CEP78: variants seen among roughly 807,000 people sequenced by gnomAD.
CEP78 encodes the protein centrosomal protein 78, also known as centrosomal protein of 78 kDa.
In CEP78, 76 loss-of-function variants were observed where a neutral mutation model predicts 81.2. That is an observed-to-expected ratio of 0.94 (90% CI 0.78 to 1.13). CEP78 has a LOEUF of 1.13. Ranked by LOEUF, CEP78 falls within the 50% of genes most tolerant of loss-of-function variation. CEP78 has a pLI of 0.00. For missense variants in CEP78, 918 were observed against 846.8 expected (o/e 1.08, Z -1.04); for synonymous variants, 293 against 301.4 (o/e 0.97, Z 0.29).
intron 1 of CEP78, 117 bp downstream of exon 1, chr9:78,236,720 C>A: frequency 7.4e-7 from 1 of 1,360,284 alleles, no homozygotes; most frequent in East Asian, 2.7e-5. Flanking sequence ...CCTGGACACT[C>A]ACGAGCTAGG....
Position 78,274,127 on chromosome 9 carries a change from C to G in CEP78, c.*3276C>G, listed in dbSNP as rs1230188225. 1 of 152,228 alleles carries G rather than the reference C, an allele frequency of 6.6e-6. No homozygotes were observed. The highest frequency in any genetic ancestry group is 1.9e-4 in the East Asian group (1 of 5,200). 9.4% of individuals were successfully genotyped at this position (152,228 alleles called of 1,614,324 possible). A position where few individuals can be genotyped will look rare whatever the true frequency, so the allele number is the denominator to read the frequency against. ...CCATTCATAGTGACCAAGATGTCTT[C>G]CAACAGGTGAATGGATAGCGATGTA... On this transcript the variant is annotated 3_prime_UTR_variant, in exon 17 of 17. Transcript: ENST00000643273.
intron 10 of CEP78, among the ~76,000 whole-genome samples, chr9:78,254,300 T>G (rs1195666162): frequency 6.6e-6 from 1 of 152,154 alleles, no homozygotes; most frequent in Non-Finnish European, 1.5e-5. Context: ...ACTTCTGACC[T>G]TAAGCAGTAC....
At chr9:78,253,625 A>G (rs1019378370) in intron 10 of CEP78, 4 of 196,588 alleles carry the variant, frequency 2.0e-5, no homozygotes, top group Non-Finnish European at 4.2e-5. Context: ...CTTGGGGGAT[A>G]CATATTTTAT....
At position 78,266,493 on chromosome 9, in the gene CEP78, C is replaced by G; in HGVS notation, c.1897C>G (p.Pro633Ala). Residue 633 changes from proline (P) to alanine (A), a missense_variant, in exon 16 of 17, where the codon CCT becomes GCT. Transcript: ENST00000643273. ...AATTCCTTTGCCTCTCGACTCCTTTCCTGTCCCAGTTTCTACTCCAGAGGG... is the reference window on the plus strand; with the variant it reads ...AATTCCTTTGCCTCTCGACTCCTTTGCTGTCCCAGTTTCTACTCCAGAGGG... ...ARIPLPLDSF[P>A]VPVSTPEGLG... The G allele has an allele frequency of 6.2e-7, 1 of 1,613,482 alleles. No homozygotes were observed. The highest frequency in any genetic ancestry group is 8.5e-7 in the Non-Finnish European group (1 of 1,179,516).
rs1827794055 is a variant in CEP78 at position 78,275,889 on chromosome 9, T to A, written c.*5038T>A. On this transcript the variant is annotated 3_prime_UTR_variant, in exon 17 of 17. Coordinates refer to ENST00000643273, the MANE Select transcript of CEP78 (RefSeq NM_001330691.3). ...TTGAGGCCGGGATTCGAGGCTGCAG[T>A]GAGCTGTGATCATGCCACCACTGCT... The A allele has an allele frequency of 6.6e-6, 1 of 152,328 alleles. No individual in the cohort carries two copies. Among genetic ancestry groups the A allele is most frequent in the South Asian group, 2.1e-4 (1 of 4,840 alleles). 9.4% of individuals were successfully genotyped at this position (152,328 alleles called of 1,614,324 possible).
At chr9:78,246,625 A>G (rs780105484) in intron 5 of CEP78, 44 bp from the exon 6 acceptor site, 1 of 1,279,922 alleles carries the variant, frequency 7.8e-7, no homozygotes, top group South Asian at 1.3e-5. Context: ...CAAACAAAAA[A>G]TCTGTATAGA....
Position 78,274,660 on chromosome 9 carries a change from T to A in CEP78, c.*3809T>A, listed in dbSNP as rs1827765166. The A allele has an allele frequency of 6.6e-6, 1 of 152,100 alleles. No individual in the cohort carries two copies. Among genetic ancestry groups the A allele is most frequent in the Non-Finnish European group, 1.5e-5 (1 of 68,006 alleles). 9.4% of individuals were successfully genotyped at this position (152,100 alleles called of 1,614,324 possible). A position where few individuals can be genotyped will look rare whatever the true frequency, so the allele number is the denominator to read the frequency against. The stretch of plus-strand genomic sequence containing the variant: ...TATGAAGGTAAAAAACTTACAAAAT[T>A]CAAAGATCATACAGATCATGTGCTC... On this transcript the variant is annotated 3_prime_UTR_variant, in exon 17 of 17. Coordinates refer to ENST00000643273, the MANE Select transcript of CEP78 (RefSeq NM_001330691.3).
rs1827786102 is a variant in CEP78 at position 78,275,616 on chromosome 9, A to C, written c.*4765A>C. Reference sequence around the variant, plus strand: ...GGGAAACTCTGTCTCCAAAAAAAAAAAAAAAAAAATACAGTTAGAAAAACT... The same window carrying C: ...GGGAAACTCTGTCTCCAAAAAAAAACAAAAAAAAATACAGTTAGAAAAACT... On this transcript the variant is annotated 3_prime_UTR_variant, in exon 17 of 17. Coordinates refer to ENST00000643273, the MANE Select transcript of CEP78 (RefSeq NM_001330691.3). The C allele has an allele frequency of 6.6e-6, 1 of 151,552 alleles. No individual in the cohort carries two copies. Among genetic ancestry groups the C allele is most frequent in the African/African-American group, 2.4e-5 (1 of 41,104 alleles). The allele number at this position is 151,552 out of a possible 1,614,324, so 9.4% of individuals were successfully genotyped here.
Position 78,265,413 on chromosome 9 carries a change from A to G in CEP78, c.1667A>G (p.Asp556Gly). Residue 556 changes from aspartate to glycine, a missense_variant, in exon 14 of 17, where the codon GAT (aspartate) becomes GGT (glycine). By Grantham distance (94) the Asp-to-Gly change is moderately conservative. Coordinates refer to ENST00000643273, the MANE Select transcript of CEP78 (RefSeq NM_001330691.3). Reference sequence around the variant, plus strand: ...ACAATGGCTGGGATAGATCAGTCAGATTTTCAATTACTAGGTCATCCCCAG... The same window carrying G: ...ACAATGGCTGGGATAGATCAGTCAGGTTTTCAATTACTAGGTCATCCCCAG... ...LATMAGIDQS[D>G]FQLLGHPQMT... is the part of the protein sequence containing the mutation. 2 of 1,606,666 alleles carry G rather than the reference A, an allele frequency of 1.2e-6. No homozygotes were observed. The highest frequency in any genetic ancestry group is 3.4e-5 in the Admixed American group (2 of 58,856).
Position 78,265,498 on chromosome 9 carries a change from A to G in CEP78, c.1752A>G (p.Lys584=), listed in dbSNP as rs1364467589. Residue 584 remains lysine (K), a synonymous_variant, in exon 14 of 17, where the codon AAA becomes AAG. Transcript: ENST00000643273. ...AAAAGAAGGCGCTTGAAGATGAAAAACCAGAACCGAAGCAGAATGCCCTAG... is the reference window on the plus strand; with the variant it reads ...AAAAGAAGGCGCTTGAAGATGAAAAGCCAGAACCGAAGCAGAATGCCCTAG... ...KEEKKALEDE[K]PEPKQNALGQ... The G allele has an allele frequency of 6.3e-7, 1 of 1,583,196 alleles. No homozygotes were observed. Among genetic ancestry groups the G allele is most frequent in the Non-Finnish European group, 8.6e-7 (1 of 1,164,138 alleles).
At chr9:78,237,399 T>C (rs1466935102) in intron 1 of CEP78, among the ~76,000 whole-genome samples, 1 of 152,208 alleles carries the variant, frequency 6.6e-6, no homozygotes, top group Admixed American at 6.5e-5. Context: ...TCGGAAAATA[T>C]GTTAGGTCAA....
At position 78,273,062 on chromosome 9, in the gene CEP78, G is replaced by A. The variant is rs1827727548; in HGVS notation, c.*2211G>A. 1 of 152,176 alleles carries A rather than the reference G, an allele frequency of 6.6e-6. No individual in the cohort carries two copies. Among genetic ancestry groups the A allele is most frequent in the Admixed American group, 6.5e-5 (1 of 15,278 alleles). The allele number at this position is 152,176 out of a possible 1,614,324, so 9.4% of individuals were successfully genotyped here. A position where few individuals can be genotyped will look rare whatever the true frequency, so the allele number is the denominator to read the frequency against. ...TAATAGCTACAAAACTACCTGGAAA[G>A]AGGGAATGGAATTTTTAGGTCCAAC... On this transcript the variant is annotated 3_prime_UTR_variant, in exon 17 of 17. Coordinates refer to ENST00000643273, the MANE Select transcript of CEP78 (RefSeq NM_001330691.3).
chr9:78,244,314 G>C (rs1281400843), intron 5 of CEP78, among the ~76,000 whole-genome samples: 1 of 151,932 alleles, frequency 6.6e-6, no homozygotes, highest in Non-Finnish European at 1.5e-5. Flanking sequence ...TTTTTGTGGA[G>C]ACAGGGTCTT....
chr9:78,252,952 G>C (rs1826835061), intron 9 of CEP78, among the ~76,000 whole-genome samples: 1 of 152,146 alleles, frequency 6.6e-6, no homozygotes, highest in African/African-American at 2.4e-5. Flanking sequence ...GTGAATTAGA[G>C]AACAATTAAT....
intron 8 of CEP78, 74 bp downstream of exon 8, chr9:78,248,947 T>C (rs1404420856): frequency 1.5e-6 from 1 of 679,234 alleles, no homozygotes; most frequent in Non-Finnish European, 2.5e-6. Context: ...CTTCTCATTG[T>C]ATGATATTGA....
chr9:78,236,782 T>A, intron 1 of CEP78, 179 bp downstream of exon 1: 1 of 724,556 alleles, frequency 1.4e-6, no homozygotes, highest in Non-Finnish European at 2.1e-6. Context: ...TAACATGGGC[T>A]TAATAACGAG....
rs1827850068 is a variant in CEP78, at chr9:78,278,614, G to A, written c.*7763G>A. The A allele has an allele frequency of 2.0e-5, 3 of 152,186 alleles. No homozygotes were observed. The highest frequency in any genetic ancestry group is 4.4e-5 in the Non-Finnish European group (3 of 68,040). The allele number at this position is 152,186 out of a possible 1,614,324, so 9.4% of individuals were successfully genotyped here. ...ATCCACTAATGGGTAATGTCCTACT[G>A]TTTGGAAACACTGGCTAGAGTGTTT... is the stretch of plus-strand genomic sequence containing the variant. On this transcript the variant is annotated 3_prime_UTR_variant, in exon 17 of 17. Coordinates refer to ENST00000643273, the MANE Select transcript of CEP78 (RefSeq NM_001330691.3).
rs1450508574 is a variant in CEP78, at chr9:78,276,421, T to C, written c.*5570T>C. 1 of 152,080 alleles carries C rather than the reference T, an allele frequency of 6.6e-6. No homozygotes were observed. The highest frequency in any genetic ancestry group is 1.5e-5 in the Non-Finnish European group (1 of 68,010). 9.4% of individuals were successfully genotyped at this position (152,080 alleles called of 1,614,324 possible). On this transcript the variant is annotated 3_prime_UTR_variant, in exon 17 of 17. Transcript: ENST00000643273. ...CACAGGAAACAAACTTGGTGAAAAG[T>C]TTTTGCTAAGATAAAAACGGTACTA...
At position 78,265,897 on chromosome 9, in the gene CEP78, A is replaced by G; in HGVS notation, c.1836A>G (p.Thr612=). ...TGCAGTCAGCTTACAATGAAGGAAC[A>G]CTAATGAAGGTACAAGTACTGATAT... ...ICMQSAYNEG[T]LMKFQKITGD... is the part of the protein sequence containing the mutation. Residue 612 remains threonine, a synonymous_variant, in exon 15 of 17, where the codon ACA becomes ACG. Coordinates refer to ENST00000643273, the MANE Select transcript of CEP78 (RefSeq NM_001330691.3). 1 of 1,379,550 alleles carries G rather than the reference A, an allele frequency of 7.2e-7. No individual in the cohort carries two copies. Among genetic ancestry groups the G allele is most frequent in the East Asian group, 2.5e-5 (1 of 40,234 alleles). The allele number at this position is 1,379,550 out of a possible 1,614,324, so 85.5% of individuals were successfully genotyped here.
Sources: allele counts gnomAD v4.1 joint callset (sites outside exome capture counted in the v4.1 genomes callset), GRCh38; gene constraint gnomAD v4.1.1; transcripts MANE v1.5; gene names NCBI Gene and HGNC (gene_info 2026-07-23, HGNC 2026-07-21).